The following FGF5 variants were observed in gnomAD, a reference collection of about 807,000 sequenced individuals.
FGF5 encodes heparin-binding growth factor 5.
FGF5 carries 23 observed loss-of-function variants against 21.8 expected under a neutral mutation model. That is an observed-to-expected ratio of 1.05 (90% CI 0.76 to 1.49). The LOEUF is 1.49. Ranked by LOEUF, FGF5 falls within the 40% of genes most tolerant of loss-of-function variation. The pLI, the probability that FGF5 is intolerant of heterozygous loss-of-function variation, is 0.00. For missense variants in FGF5, 352 were observed against 332.9 expected, an observed-to-expected ratio of 1.06 and a Z score of -0.45; for synonymous variants, 158 against 124.0, an observed-to-expected ratio of 1.27 and a Z score of -1.82.
chr4:80,276,564 G>GCACCTATCACCCCAGTA (rs1720417212), intron 2 of FGF5, among the ~76,000 whole-genome samples: 1 of 151,748 alleles, frequency 6.6e-6, no homozygotes, highest in Non-Finnish European at 1.5e-5. Flanking sequence ...GTTCTTTAGT[G>GCACCTATCACCCCAGTA]GTGATTTCTG....
At chr4:80,272,502 T>A in intron 1 of FGF5, among the ~76,000 whole-genome samples, 1 of 152,274 alleles carries the variant, frequency 6.6e-6, no homozygotes, top group Admixed American at 6.5e-5. Flanking sequence ...TATCAGAAAC[T>A]ATTTATTTAA....
chr4:80,267,289 T>G, intron 1 of FGF5, 110 bp downstream of exon 1: 1 of 867,534 alleles, frequency 1.2e-6, no homozygotes, highest in Non-Finnish European at 1.8e-6. Flanking sequence ...CCCAGGCCAC[T>G]GGGACCAAGC....
chr4:80,288,492 T>C lies in FGF5; in HGVS notation c.*1820T>C, dbSNP rs1000474568. On this transcript the variant is annotated 3_prime_UTR_variant, in exon 3 of 3. Transcript: ENST00000312465. Reference sequence around the variant, plus strand: ...ATGCTACAAAAATTGAACTAATTTATACTTTAAAGTATTTCTGGGTTAAAT... The same window carrying C: ...ATGCTACAAAAATTGAACTAATTTACACTTTAAAGTATTTCTGGGTTAAAT... 6.6e-6 allele frequency: 1 copy of C among 152,236 alleles called. No individual in the cohort carries two copies. The highest frequency in any genetic ancestry group is 2.4e-5 in the African/African-American group (1 of 41,474). 9.4% of individuals were successfully genotyped at this position (152,236 alleles called of 1,614,324 possible).
chr4:80,270,102 T>C (rs967856575), intron 1 of FGF5, among the ~76,000 whole-genome samples: 1 of 152,194 alleles, frequency 6.6e-6, no homozygotes, highest in Non-Finnish European at 1.5e-5. Flanking sequence ...TGTGTTTAAA[T>C]CTCCTAAGAG....
intron 2 of FGF5, among the ~76,000 whole-genome samples, chr4:80,276,845 CTTTAAG>C (rs1272925645): frequency 6.6e-6 from 1 of 151,420 alleles, no homozygotes; most frequent in African/African-American, 2.4e-5. Context: ...CCTCAGTCTA[CTTTAAG>C]TTTATAAAAG....
Position 80,287,816 on chromosome 4 carries a change from C to G in FGF5, c.*1144C>G, listed in dbSNP as rs1229433645. The G allele has an allele frequency of 6.6e-6, 1 of 152,070 alleles. No homozygotes were observed. The highest frequency in any genetic ancestry group is 2.4e-5 in the African/African-American group (1 of 41,402). 9.4% of individuals were successfully genotyped at this position (152,070 alleles called of 1,614,324 possible). Reference sequence around the variant, plus strand: ...ATTACTCAGTCAAACACTCTTTGAGCTTCCCTTCCTAAAGGTAACCAATCC... The same window carrying G: ...ATTACTCAGTCAAACACTCTTTGAGGTTCCCTTCCTAAAGGTAACCAATCC... On this transcript the variant is annotated 3_prime_UTR_variant, in exon 3 of 3. Transcript: ENST00000312465.
chr4:80,281,053 A>G (rs1388200604), intron 2 of FGF5, among the ~76,000 whole-genome samples: 1 of 152,084 alleles, frequency 6.6e-6, no homozygotes, highest in African/African-American at 2.4e-5. Flanking sequence ...GTTGCTCAGT[A>G]TGAAGAACTG....
intron 2 of FGF5, among the ~76,000 whole-genome samples, chr4:80,276,260 T>A (rs1372625625): frequency 6.6e-6 from 1 of 151,960 alleles, no homozygotes; most frequent in Admixed American, 6.6e-5. Flanking sequence ...AATCTAAATA[T>A]AATAAATTAC....
Position 80,286,705 on chromosome 4 carries a change from T to G in FGF5, c.*33T>G. Reference sequence around the variant, plus strand: ...CTTGGCCTTGTGAGAAACCATTCTTTCCCCTCAGGAGTTTCTATAGGTGTC... The same window carrying G: ...CTTGGCCTTGTGAGAAACCATTCTTGCCCCTCAGGAGTTTCTATAGGTGTC... On this transcript the variant is annotated 3_prime_UTR_variant, in exon 3 of 3. Coordinates refer to ENST00000312465, the MANE Select transcript of FGF5 (RefSeq NM_004464.4). 6 of 1,562,814 alleles carry G rather than the reference T, an allele frequency of 3.8e-6. No individual in the cohort carries two copies. The highest frequency in any genetic ancestry group is 5.3e-6 in the Non-Finnish European group (6 of 1,138,954).
In FGF5 at chr4:80,287,856, C is replaced by T. The variant is rs1720780402; in HGVS notation, c.*1184C>T. The T allele has an allele frequency of 6.6e-6, 1 of 152,080 alleles. No homozygotes were observed. Among genetic ancestry groups the T allele is most frequent in the Non-Finnish European group, 1.5e-5 (1 of 68,012 alleles). 9.4% of individuals were successfully genotyped at this position (152,080 alleles called of 1,614,324 possible). A position where few individuals can be genotyped will look rare whatever the true frequency, so the allele number is the denominator to read the frequency against. On this transcript the variant is annotated 3_prime_UTR_variant, in exon 3 of 3. Transcript: ENST00000312465. ...GTAACCAATCCAGTGAATAGATGTG[C>T]CCTTTTATAAGGAAACTTCTGATGT...
At position 80,287,711 on chromosome 4, in the gene FGF5, A is replaced by T. The variant is rs559394476; in HGVS notation, c.*1039A>T. ...CTGTATAGATCCACAGGGAGCAAAC[A>T]CTTAGAAATGATAGAGAACTGAAGG... On this transcript the variant is annotated 3_prime_UTR_variant, in exon 3 of 3. Coordinates refer to ENST00000312465, the MANE Select transcript of FGF5 (RefSeq NM_004464.4). 1 of 152,276 alleles carries T rather than the reference A, an allele frequency of 6.6e-6. No individual in the cohort carries two copies. The highest frequency in any genetic ancestry group is 2.1e-4 in the South Asian group (1 of 4,826). 9.4% of individuals were successfully genotyped at this position (152,276 alleles called of 1,614,324 possible).
At chr4:80,267,936 A>C (rs1315794301) in intron 1 of FGF5, among the ~76,000 whole-genome samples, 1 of 152,208 alleles carries the variant, frequency 6.6e-6, no homozygotes. Context: ...GACCATGACT[A>C]CACCGTATTA....
intron 1 of FGF5, among the ~76,000 whole-genome samples, chr4:80,272,281 A>G (rs910808631): frequency 1.3e-5 from 2 of 152,176 alleles, no homozygotes; most frequent in African/African-American, 2.4e-5. Flanking sequence ...ATTCTCAGGC[A>G]CTATATCATT....
chr4:80,284,965 T>C (rs548253120), intron 2 of FGF5, among the ~76,000 whole-genome samples: 14 of 152,320 alleles, frequency 9.2e-5, no homozygotes, highest in African/African-American at 3.4e-4. Context: ...GTGTAAATAG[T>C]ACTCCTTGAA....
intron 2 of FGF5, among the ~76,000 whole-genome samples, chr4:80,286,080 T>C (rs1720707254): frequency 6.6e-6 from 1 of 152,190 alleles, no homozygotes; most frequent in South Asian, 2.1e-4. Flanking sequence ...GTCATCGATA[T>C]TATGTCACCA....
At chr4:80,269,769 G>T (rs1385246402) in intron 1 of FGF5, among the ~76,000 whole-genome samples, 1 of 150,544 alleles carries the variant, frequency 6.6e-6, no homozygotes, top group Non-Finnish European at 1.5e-5. Flanking sequence ...TTACTTTTGT[G>T]TTGTTTGTCT....
rs1720771399 is a variant in FGF5, at chr4:80,287,517, G to C, written c.*845G>C. On this transcript the variant is annotated 3_prime_UTR_variant, in exon 3 of 3. Transcript: ENST00000312465. ...GGATTTAGAGGTAAAAGTACACTAA[G>C]TTTGCAACATTTATTGAGATCTAAG... The C allele has an allele frequency of 6.6e-6, 1 of 152,112 alleles. No homozygotes were observed. The highest frequency in any genetic ancestry group is 1.5e-5 in the Non-Finnish European group (1 of 67,998). The allele number at this position is 152,112 out of a possible 1,614,324, so 9.4% of individuals were successfully genotyped here.
At chr4:80,267,808 C>T (rs1388917771) in intron 1 of FGF5, among the ~76,000 whole-genome samples, 2 of 148,512 alleles carry the variant, frequency 1.3e-5, no homozygotes, top group Non-Finnish European at 2.9e-5. Flanking sequence ...ACCAGACAGA[C>T]ATTCCTGCTT....
chr4:80,274,442 G>A (rs1273189114), intron 1 of FGF5, among the ~76,000 whole-genome samples: 1 of 151,878 alleles, frequency 6.6e-6, no homozygotes, highest in Non-Finnish European at 1.5e-5. Context: ...TTAGAGTAGA[G>A]GAATTTATTT....
Sources: allele counts gnomAD v4.1 joint callset (sites outside exome capture counted in the v4.1 genomes callset), GRCh38; gene constraint gnomAD v4.1.1; transcripts MANE v1.5; gene names NCBI Gene and HGNC (gene_info 2026-07-23, HGNC 2026-07-21).